Variants in PTPRG observed in about 807,000 individuals in gnomAD.
The protein encoded by PTPRG is receptor-type tyrosine-protein phosphatase gamma.
Under a neutral mutation model 165.3 loss-of-function variants are expected in PTPRG, and 102 were observed. The observed-to-expected ratio is 0.62, with a 90% CI of 0.53 to 0.73. The LOEUF (loss-of-function observed/expected upper bound fraction) is 0.73. Among genes scored for constraint, PTPRG ranks in the 30% least tolerant of loss-of-function variants. The pLI, the probability that PTPRG is intolerant of heterozygous loss-of-function variation, is 0.00. For missense variants in PTPRG, 1,866 were observed against 1,861.4 expected (o/e 1.00, Z -0.05); for synonymous variants, 675 against 669.5 (o/e 1.01, Z -0.13).
At chr3:61,788,403 G>C (rs141449547) in intron 2 of PTPRG, among the ~76,000 whole-genome samples, 1 of 152,288 alleles carries the variant, frequency 6.6e-6, no homozygotes, top group East Asian at 1.9e-4. Context: ...CTACTAGCAC[G>C]TATAACAACT....
At chr3:62,058,791 C>G (rs1019886139) in intron 4 of PTPRG, among the ~76,000 whole-genome samples, 1 of 152,172 alleles carries the variant, frequency 6.6e-6, no homozygotes, top group Non-Finnish European at 1.5e-5. Context: ...TTGAGTCAAA[C>G]TAGGTCCAAG....
rs759319362 is a variant in PTPRG at position 61,621,049 on chromosome 3, A to ATGTGTG, written c.85+58678_85+58679insGTGTGT. Among the ~76,000 whole-genome samples, 221 of 104,290 alleles carry ATGTGTG rather than the reference A, an allele frequency of 2.1e-3. 4 individuals are homozygous for ATGTGTG. The highest frequency in any genetic ancestry group is 7.0e-3 in the African/African-American group (208 of 29,656). 68.4% of individuals were successfully genotyped at this position (104,290 alleles called of 152,430 possible). A position where few individuals can be genotyped will look rare whatever the true frequency, so the allele number is the denominator to read the frequency against. Reference sequence around the variant, plus strand: ...TGTGTGTGTGTATATATATATATATATATGTGTGTGTGTGTGTGTGTGTGT... The same window carrying ATGTGTG: ...TGTGTGTGTGTATATATATATATATATGTGTGTATGTGTGTGTGTGTGTGTGTGTGT... On this transcript the variant is annotated intron_variant, in intron 1 of 29. Transcript: ENST00000474889.
chr3:61,878,903 C>G (rs1016625336), intron 2 of PTPRG, among the ~76,000 whole-genome samples: 3 of 152,152 alleles, frequency 2.0e-5, no homozygotes, highest in African/African-American at 7.2e-5. Flanking sequence ...TATCAACTGA[C>G]ATGGTTTTAC....
chr3:62,038,766 T>C (rs986709403), intron 4 of PTPRG, among the ~76,000 whole-genome samples: 3 of 152,138 alleles, frequency 2.0e-5, no homozygotes, highest in Admixed American at 6.5e-5. Context: ...TATGGAGATA[T>C]ATATAGAGAG....
intron 2 of PTPRG, among the ~76,000 whole-genome samples, chr3:61,811,159 GTGATGCTCTTT>G (rs1384942773): frequency 4.4e-4 from 67 of 152,256 alleles, no homozygotes; most frequent in Non-Finnish European, 7.2e-4. Flanking sequence ...GCTGGGTTTT[GTGATGCTCTTT>G]GGTCAGTGGA....
chr3:61,668,670 T>A (rs1018549569), intron 1 of PTPRG, among the ~76,000 whole-genome samples: 9 of 152,204 alleles, frequency 5.9e-5, no homozygotes, highest in African/African-American at 1.9e-4. Context: ...TATGGGTTTG[T>A]CGCTTTTTTT....
chr3:61,795,225 A>G (rs142194024), intron 2 of PTPRG, among the ~76,000 whole-genome samples: 2 of 152,288 alleles, frequency 1.3e-5, no homozygotes, highest in East Asian at 1.9e-4. Context: ...ATCTGAGTCT[A>G]TTGCTCATGT....
chr3:61,844,707 T>C (rs2036756458), intron 2 of PTPRG, among the ~76,000 whole-genome samples: 1 of 151,788 alleles, frequency 6.6e-6, no homozygotes, highest in Admixed American at 6.6e-5. Context: ...CTTGCTATAT[T>C]GAACAGGGTG....
At chr3:62,051,327 G>T (rs1341094995) in intron 4 of PTPRG, among the ~76,000 whole-genome samples, 3 of 152,186 alleles carry the variant, frequency 2.0e-5, no homozygotes. Flanking sequence ...TGGAACACTG[G>T]ATCAGCATTT....
At chr3:62,186,584 T>TTTTTTTTTTTTTGG (rs1705897860) in intron 8 of PTPRG, among the ~76,000 whole-genome samples, 1 of 148,192 alleles carries the variant, frequency 6.7e-6, no homozygotes, top group Non-Finnish European at 1.5e-5. Context: ...TTTTTTTTTT[T>TTTTTTTTTTTTTGG]GAGATAGGGT....
chr3:61,712,421 G>A (rs2031610507), intron 1 of PTPRG, among the ~76,000 whole-genome samples: 1 of 151,790 alleles, frequency 6.6e-6, no homozygotes, highest in African/African-American at 2.4e-5. Flanking sequence ...GTTTGGCTCT[G>A]TATCTCCACC....
In PTPRG at chr3:62,273,435, T is replaced by C. The variant is rs553188400; in HGVS notation, c.3319-263T>C. ...TTGAACACGATTTTTTGTTTGCTTATTGAGTTGAAGCAATAAGCACAGTAT... is the reference window on the plus strand; with the variant it reads ...TTGAACACGATTTTTTGTTTGCTTACTGAGTTGAAGCAATAAGCACAGTAT... On this transcript the variant is annotated intron_variant, in intron 22 of 29. Coordinates refer to ENST00000474889, the MANE Select transcript of PTPRG (RefSeq NM_002841.4). This position sits in a 1 kb window ranked among gnomAD's most constrained non-coding sequence, Gnocchi z 4.1. Among the ~76,000 whole-genome samples the C allele has an allele frequency of 6.6e-6, 1 of 152,292 alleles. No individual in the cohort carries two copies. The highest frequency in any genetic ancestry group is 2.1e-4 in the South Asian group (1 of 4,818).
At chr3:61,606,970 C>G (rs1373711599) in intron 1 of PTPRG, among the ~76,000 whole-genome samples, 2 of 152,198 alleles carry the variant, frequency 1.3e-5, no homozygotes, top group African/African-American at 4.8e-5. Flanking sequence ...AATAACTGAA[C>G]AGGCTCAGAT....
chr3:62,022,388 C>G (rs2041717234), intron 4 of PTPRG, among the ~76,000 whole-genome samples: 1 of 152,078 alleles, frequency 6.6e-6, no homozygotes, highest in Non-Finnish European at 1.5e-5. Context: ...AGAACAATAC[C>G]AGTATCTATG....
intron 2 of PTPRG, among the ~76,000 whole-genome samples, chr3:61,923,425 A>G (rs2039129532): frequency 6.6e-6 from 1 of 151,952 alleles, no homozygotes; most frequent in African/African-American, 2.4e-5. Context: ...TTATTATTAT[A>G]CTTCAAGTTT....
chr3:61,840,778 G>GTTTTTTTTTTTTTTTT (rs1421518243), intron 2 of PTPRG, among the ~76,000 whole-genome samples: 10 of 106,186 alleles, frequency 9.4e-5, no homozygotes, highest in African/African-American at 3.6e-4. Context: ...TTTTTTGTTT[G>GTTTTTTTTTTTTTTTT]TTTGTTTTTT....
intron 7 of PTPRG, among the ~76,000 whole-genome samples, chr3:62,160,227 G>A (rs1160746758): frequency 1.3e-5 from 2 of 152,214 alleles, no homozygotes; most frequent in African/African-American, 2.4e-5. Flanking sequence ...CTTGTATGAT[G>A]TGGATTTCTT....
chr3:62,208,057 A>G (rs1258232765), intron 12 of PTPRG, among the ~76,000 whole-genome samples: 2 of 152,234 alleles, frequency 1.3e-5, no homozygotes, highest in Non-Finnish European at 2.9e-5. Context: ...ATGTAGGCCA[A>G]ACTAAACCCA....
In PTPRG at chr3:62,213,834, G is replaced by A. The variant is rs1244051163; in HGVS notation, c.2156-5017G>A. Reference sequence around the variant, plus strand: ...TGTGTTGTAGTAGTCCTAGCAGCTTGCTGTTTTATTAGGGCCACAAATTGA... The same window carrying A: ...TGTGTTGTAGTAGTCCTAGCAGCTTACTGTTTTATTAGGGCCACAAATTGA... On this transcript the variant is annotated intron_variant, in intron 12 of 29. Coordinates refer to ENST00000474889, the MANE Select transcript of PTPRG (RefSeq NM_002841.4). This position sits in a 1 kb window ranked among gnomAD's most constrained non-coding sequence, Gnocchi z 4.4. Among the ~76,000 whole-genome samples, 3 of 152,150 alleles carry A rather than the reference G, an allele frequency of 2.0e-5. No homozygotes were observed. Among genetic ancestry groups the A allele is most frequent in the African/African-American group, 7.2e-5 (3 of 41,432 alleles).
Sources: gnomAD v4.1 joint callset for allele counts (sites outside exome capture counted in the v4.1 genomes callset) on GRCh38, gnomAD v4.1.1 for gene constraint, Gnocchi (gnomAD v3.1) non-coding constraint, MANE v1.5 for transcripts, NCBI Gene and HGNC (gene_info 2026-07-23, HGNC 2026-07-21) for gene names.